The following ARHGEF28 variants were observed in gnomAD, a reference collection of about 807,000 sequenced individuals.
ARHGEF28 encodes the protein Rho guanine nucleotide exchange factor 28.
In ARHGEF28, 152 loss-of-function variants were observed where a neutral mutation model predicts 206.6. That is an observed-to-expected ratio of 0.74 (90% CI 0.64 to 0.84). The LOEUF (loss-of-function observed/expected upper bound fraction) is 0.84, where lower values mean the gene tolerates loss of function less well. Ranked by LOEUF, ARHGEF28 falls within the 40% of genes least tolerant of loss-of-function variation. The pLI, the probability that ARHGEF28 is intolerant of heterozygous loss-of-function variation, is 0.00. For missense variants in ARHGEF28, 2,028 were observed against 2,073.2 expected (o/e 0.98, Z 0.42); for synonymous variants, 763 against 776.4 (o/e 0.98, Z 0.29).
chr5:73,885,124 A>G (rs929008295), intron 24 of ARHGEF28, among the ~76,000 whole-genome samples: 13 of 152,168 alleles, frequency 8.5e-5, no homozygotes, highest in African/African-American at 2.9e-4. Context: ...TTATGGAGGA[A>G]GGGATCAAGG....
In ARHGEF28 at chr5:73,678,284, G is replaced by A. The variant is rs1459717890; in HGVS notation, c.-11-6557G>A. 2.0e-5 allele frequency among the ~76,000 whole-genome samples: 3 copies of A among 152,222 alleles called. No homozygotes were observed. In the East Asian group the frequency reaches 5.8e-4, roughly 29 times the overall value. On this transcript the variant is annotated intron_variant, in intron 1 of 35. Transcript: ENST00000513042. ...TAGGACTGAGGGTGAGTACTGTGGT[G>A]ACTTTATTTTTTTTCAAGGAGTGAA... is the stretch of plus-strand genomic sequence containing the variant.
At chr5:73,802,282 G>A (rs1052745365) in intron 9 of ARHGEF28, among the ~76,000 whole-genome samples, 2 of 152,132 alleles carry the variant, frequency 1.3e-5, no homozygotes, top group Non-Finnish European at 2.9e-5. Context: ...CTGTCACAGG[G>A]TCATTTGTTG....
intron 4 of ARHGEF28, among the ~76,000 whole-genome samples, chr5:73,758,637 C>T (rs1752438166): frequency 6.6e-6 from 1 of 152,044 alleles, no homozygotes; most frequent in African/African-American, 2.4e-5. Flanking sequence ...TTCACTGTGA[C>T]CTCTGCCTCC....
intron 2 of ARHGEF28, among the ~76,000 whole-genome samples, chr5:73,700,247 G>A (rs983314322): frequency 3.3e-5 from 5 of 152,006 alleles, no homozygotes; most frequent in South Asian, 2.1e-4. Flanking sequence ...ATGGGAACCC[G>A]TGTGTGTGTG....
intron 1 of ARHGEF28, among the ~76,000 whole-genome samples, chr5:73,633,377 T>C (rs949727273): frequency 3.9e-5 from 6 of 152,066 alleles, no homozygotes; most frequent in African/African-American, 1.4e-4. Flanking sequence ...GATTAGCAGC[T>C]GCAGGTCAGA....
At chr5:73,707,454 G>T (rs1749002916) in intron 2 of ARHGEF28, among the ~76,000 whole-genome samples, 1 of 152,192 alleles carries the variant, frequency 6.6e-6, no homozygotes, top group Non-Finnish European at 1.5e-5. Flanking sequence ...GTCTCACATA[G>T]GAGAAAGGCT....
intron 2 of ARHGEF28, among the ~76,000 whole-genome samples, chr5:73,724,779 G>T (rs1750176979): frequency 6.6e-6 from 1 of 152,134 alleles, no homozygotes; most frequent in Non-Finnish European, 1.5e-5. Context: ...TTGTGTGGAG[G>T]TAACACAGCT....
chr5:73,939,225 G>A (rs1742427210), intron 35 of ARHGEF28, among the ~76,000 whole-genome samples: 1 of 152,140 alleles, frequency 6.6e-6, no homozygotes, highest in African/African-American at 2.4e-5. Flanking sequence ...TGTAAATTGT[G>A]GGTTTTAGCA....
chr5:73,735,369 C>T (rs1473313699), intron 2 of ARHGEF28, among the ~76,000 whole-genome samples: 5 of 151,890 alleles, frequency 3.3e-5, no homozygotes, highest in Non-Finnish European at 5.9e-5. Flanking sequence ...GTTTTTATTC[C>T]TGTTTTACAA....
chr5:73,660,175 T>G lies in ARHGEF28; in HGVS notation c.-11-24666T>G, dbSNP rs115598484. ...AAGTTTATGTAATATTCTAAATTTT[T>G]TGTTGTCTTTTCAACAACGTTCACA... On this transcript the variant is annotated intron_variant, in intron 1 of 35. Transcript: ENST00000513042. Among the ~76,000 whole-genome samples, 755 of 152,340 alleles carry G rather than the reference T, an allele frequency of 5.0e-3. 5 individuals are homozygous for G. The highest frequency in any genetic ancestry group is 0.018 in the African/African-American group (739 of 41,578).
At chr5:73,920,573 G>T (rs1259813559) in intron 35 of ARHGEF28, among the ~76,000 whole-genome samples, 1 of 115,298 alleles carries the variant, frequency 8.7e-6, no homozygotes. Context: ...TTTTTGAGAC[G>T]GAGTCTCACT....
chr5:73,766,440 G>T (rs1438688022), intron 4 of ARHGEF28, among the ~76,000 whole-genome samples: 1 of 152,074 alleles, frequency 6.6e-6, no homozygotes, highest in Non-Finnish European at 1.5e-5. Flanking sequence ...AACTCTTTTT[G>T]TTGTTCTTTG....
chr5:73,865,931 T>C, intron 17 of ARHGEF28, 34 bp from the exon 18 acceptor site: 1 of 1,447,042 alleles, frequency 6.9e-7, no homozygotes, highest in South Asian at 1.2e-5. Context: ...GATACTTTGA[T>C]CTTACTTTAT....
chr5:73,683,629 A>G (rs1213254449), intron 1 of ARHGEF28, among the ~76,000 whole-genome samples: 1 of 151,318 alleles, frequency 6.6e-6, no homozygotes, highest in Non-Finnish European at 1.5e-5. Flanking sequence ...AGGGGCAGGC[A>G]CACCGAGAGG....
At chr5:73,814,076 T>G (rs1756026759) in intron 9 of ARHGEF28, among the ~76,000 whole-genome samples, 1 of 152,172 alleles carries the variant, frequency 6.6e-6, no homozygotes, top group Non-Finnish European at 1.5e-5. Context: ...ATACCCAGCT[T>G]CTGCATCTTT....
intron 35 of ARHGEF28, among the ~76,000 whole-genome samples, chr5:73,932,934 G>A (rs538120734): frequency 1.4e-4 from 20 of 147,722 alleles, no homozygotes; most frequent in Non-Finnish European, 1.9e-4. Flanking sequence ...TCAGCCTCCC[G>A]TGTAGCTGGG....
At chr5:73,900,900 A>G (rs867710066) in intron 30 of ARHGEF28, 113 of 276,012 alleles carry the variant, frequency 4.1e-4, no homozygotes, top group African/African-American at 2.3e-3. Context: ...TCTGTAACAC[A>G]AACGACACAC....
intron 2 of ARHGEF28, among the ~76,000 whole-genome samples, chr5:73,698,086 C>A (rs114559762): frequency 3.0e-4 from 46 of 152,114 alleles, no homozygotes; most frequent in African/African-American, 1.1e-3. Flanking sequence ...TCATTTATAA[C>A]GATAAATAAC....
Position 73,802,870 on chromosome 5 carries a change from C to CTCTGTGTGTG in ARHGEF28, c.1024+7480_1024+7481insCTGTGTGTGT, listed in dbSNP as rs780935234. Among the ~76,000 whole-genome samples, 142 of 122,226 alleles carry CTCTGTGTGTG rather than the reference C, an allele frequency of 1.2e-3. 1 individual carries two copies. The highest frequency in any genetic ancestry group is 4.3e-3 in the Middle Eastern group (1 of 230). The allele number at this position is 122,226 out of a possible 152,430, so 80.2% of individuals were successfully genotyped here. On this transcript the variant is annotated intron_variant, in intron 9 of 35. Transcript: ENST00000513042. ...GATAATTGGCCAGCAAGCTCGATTG[C>CTCTGTGTGTG]TGTGTGTGTGTGTGTGTGTGTGTGT...
Sources: gnomAD v4.1 joint callset for allele counts (sites outside exome capture counted in the v4.1 genomes callset) on GRCh38, gnomAD v4.1.1 for gene constraint, MANE v1.5 for transcripts, NCBI Gene and HGNC (gene_info 2026-07-23, HGNC 2026-07-21) for gene names.